The following CAMSAP1 variants were observed in gnomAD, a reference collection of about 807,000 sequenced individuals.
The protein encoded by CAMSAP1 is calmodulin regulated spectrin associated protein 1.
A neutral mutation model predicts 143.5 loss-of-function variants in CAMSAP1; 58 were observed. The observed-to-expected ratio is 0.40, with a 90% CI of 0.33 to 0.50. The LOEUF is 0.50. CAMSAP1 is among the 20% of genes least tolerant of loss of function. CAMSAP1 has a pLI of 0.45. For missense variants in CAMSAP1, 1,969 were observed against 2,115.7 expected, an observed-to-expected ratio of 0.93 and a Z score of 1.36; for synonymous variants, 945 against 859.3, an observed-to-expected ratio of 1.10 and a Z score of -1.74.
Position 135,822,165 on chromosome 9 carries a change from G to T in CAMSAP1, c.2496C>A (p.Ser832=). The change falls in exon 11 of 17, where the codon TCC becomes TCA. Residue 832 remains serine, a synonymous_variant. Coordinates refer to ENST00000389532, the MANE Select transcript of CAMSAP1 (RefSeq NM_015447.4). The surrounding 1 kb of genome is among the most constrained non-coding windows in gnomAD (Gnocchi z 6.1). ...LQRLNSCETK[S]STSSSQKTTP... ...TGGTCTTCTGGGAGCTGCTGGTGCT[G>T]GACTTGGTCTCACAGCTGTTGAGTC... is the stretch of plus-strand genomic sequence containing the variant. 1 of 1,613,732 alleles carries T rather than the reference G, an allele frequency of 6.2e-7. No individual in the cohort carries two copies. The highest frequency in any genetic ancestry group is 1.1e-5 in the South Asian group (1 of 91,086).
chr9:135,836,638 A>G, intron 7 of CAMSAP1: 1 of 983,628 alleles, frequency 1.0e-6, no homozygotes, highest in Non-Finnish European at 1.2e-6. Context: ...TTCTACAGAC[A>G]CACATCATCA....
chr9:135,881,780 T>C lies in CAMSAP1; in HGVS notation c.438A>G (p.Ala146=), dbSNP rs1228852011. ...AGGCCATCATCAGGGCATCCACCAT[T>C]GCCATGTGGGCACTCTAGGGGCAGA... is the stretch of plus-strand genomic sequence containing the variant. ...RAPIKMSAHM[A]MVDALMMAYT... Residue 146 remains alanine (A), a synonymous_variant, in exon 3 of 17, where the codon GCA becomes GCG. Coordinates refer to ENST00000389532, the MANE Select transcript of CAMSAP1 (RefSeq NM_015447.4). The C allele has an allele frequency of 6.4e-7, 1 of 1,552,042 alleles. No homozygotes were observed. The highest frequency in any genetic ancestry group is 2.4e-5 in the East Asian group (1 of 40,914).
chr9:135,838,209 C>T (rs1268305958), intron 7 of CAMSAP1, among the ~76,000 whole-genome samples: 1 of 151,344 alleles, frequency 6.6e-6, no homozygotes, highest in Non-Finnish European at 1.5e-5. Context: ...ACACTTTCCA[C>T]CCGTTCTACA....
At chr9:135,871,399 G>A (rs1564450736) in intron 3 of CAMSAP1, among the ~76,000 whole-genome samples, 1 of 152,084 alleles carries the variant, frequency 6.6e-6, no homozygotes, top group Non-Finnish European at 1.5e-5. Context: ...TGTTGTCGGG[G>A]ATGGTCTTGA....
At chr9:135,894,009 C>T (rs540949016) in intron 1 of CAMSAP1, among the ~76,000 whole-genome samples, 18 of 152,284 alleles carry the variant, frequency 1.2e-4, no homozygotes, top group South Asian at 6.2e-4. Flanking sequence ...CCCCACCCAA[C>T]GGGAGGTGAC....
At chr9:135,813,458 A>G (rs1013382599) in intron 16 of CAMSAP1, among the ~76,000 whole-genome samples, 1 of 152,224 alleles carries the variant, frequency 6.6e-6, no homozygotes, top group Non-Finnish European at 1.5e-5. Context: ...TTTCAACCCT[A>G]CTCACTGTGT....
At chr9:135,829,714 G>A (rs1013079350) in intron 7 of CAMSAP1, among the ~76,000 whole-genome samples, 6 of 151,896 alleles carry the variant, frequency 4.0e-5, no homozygotes, top group Admixed American at 1.3e-4. Context: ...TTAGCCAGGC[G>A]TGGTGGCGGA....
intron 3 of CAMSAP1, among the ~76,000 whole-genome samples, chr9:135,867,598 G>A (rs779120364): frequency 5.9e-5 from 9 of 151,718 alleles, no homozygotes; most frequent in Non-Finnish European, 8.8e-5. Context: ...AAAGCACCAC[G>A]TAAAAACACA....
Position 135,827,358 on chromosome 9 carries a change from AG to A in CAMSAP1, c.1223+48del, listed in dbSNP as rs767589781. 9 of 1,405,160 alleles carry A rather than the reference AG, an allele frequency of 6.4e-6. No individual in the cohort carries two copies. The Admixed American group carries it at 7.7e-5, about 12-fold the overall frequency. 87.0% of individuals were successfully genotyped at this position (1,405,160 alleles called of 1,614,324 possible). A position where few individuals can be genotyped will look rare whatever the true frequency, so the allele number is the denominator to read the frequency against. ...ATTAATATTTTAAACTAACACAAAA[AG>A]GGACACAAGATGGTGAACTGATTCT... is the stretch of plus-strand genomic sequence containing the variant. On this transcript the variant is annotated intron_variant, in intron 8 of 16. Coordinates refer to ENST00000389532, the MANE Select transcript of CAMSAP1 (RefSeq NM_015447.4).
intron 1 of CAMSAP1, among the ~76,000 whole-genome samples, chr9:135,890,144 C>G (rs560402854): frequency 6.6e-6 from 1 of 152,062 alleles, no homozygotes; most frequent in African/African-American, 2.4e-5. Context: ...AGCTCACACC[C>G]GCAGAGGCTC....
chr9:135,863,026 G>A lies in CAMSAP1; in HGVS notation c.667-418C>T, dbSNP rs147933777. 4.8e-3 allele frequency among the ~76,000 whole-genome samples: 729 copies of A among 152,280 alleles called. 4 individuals are homozygous for A. The highest frequency in any genetic ancestry group is 7.4e-3 in the Non-Finnish European group (502 of 68,016). ...TGACGCTCAGAAGACCCAAGTTACT[G>A]TTACTTTTCTGAGTAATATCACTAG... is the stretch of plus-strand genomic sequence containing the variant. On this transcript the variant is annotated intron_variant, in intron 4 of 16. Transcript: ENST00000389532.
At position 135,821,252 on chromosome 9, in the gene CAMSAP1, G is replaced by T. The variant is rs771843413; in HGVS notation, c.3409C>A (p.Pro1137Thr). ...VETLPHLRPF[P>T]ASSHPRTPTD... is the part of the protein sequence containing the mutation. ...GGCGTCCGAGGGTGGCTGCTGGCAG[G>T]GAAGGGTCTCAAGTGCGGGAGCGTC... Residue 1137 changes from proline to threonine, a missense_variant, in exon 11 of 17, where the codon CCT becomes ACT. Coordinates refer to ENST00000389532, the MANE Select transcript of CAMSAP1 (RefSeq NM_015447.4). This position sits in a 1 kb window ranked among gnomAD's most constrained non-coding sequence, Gnocchi z 4.6. The T allele has an allele frequency of 6.2e-7, 1 of 1,608,778 alleles. No individual in the cohort carries two copies. The highest frequency in any genetic ancestry group is 1.3e-5 in the African/African-American group (1 of 75,058).
At chr9:135,890,586 A>G (rs967048165) in intron 1 of CAMSAP1, among the ~76,000 whole-genome samples, 3 of 152,144 alleles carry the variant, frequency 2.0e-5, no homozygotes, top group African/African-American at 7.2e-5. Context: ...GGTAACCTGA[A>G]GGGCTGCACC....
At position 135,818,384 on chromosome 9, in the gene CAMSAP1, C is replaced by T; in HGVS notation, c.4168+24G>A. ...GCCGCCCGCGGAAGGAAGCGCTGCC[C>T]GCGTGAGGGCCGGGGCTGCTTACGG... On this transcript the variant is annotated intron_variant, in intron 13 of 16. Coordinates refer to ENST00000389532, the MANE Select transcript of CAMSAP1 (RefSeq NM_015447.4). This position sits in a 1 kb window ranked among gnomAD's most constrained non-coding sequence, Gnocchi z 7.7. The T allele has an allele frequency of 6.5e-6, 10 of 1,540,454 alleles. No homozygotes were observed. The highest frequency in any genetic ancestry group is 8.7e-6 in the Non-Finnish European group (10 of 1,146,460).
In CAMSAP1 at chr9:135,840,726, G is replaced by A. The variant is rs150494804; in HGVS notation, c.1045+9411C>T. Among the ~76,000 whole-genome samples the A allele has an allele frequency of 1.7e-3, 262 of 152,302 alleles. 3 individuals carry two copies. The highest frequency in any genetic ancestry group is 2.6e-3 in the Non-Finnish European group (175 of 68,020). On this transcript the variant is annotated intron_variant, in intron 7 of 16. Coordinates refer to ENST00000389532, the MANE Select transcript of CAMSAP1 (RefSeq NM_015447.4). ...GGTGCAGCCCACAGAGGGCAAGCAC[G>A]GTGGGGAATCACCTCACCCAGGAAG...
chr9:135,817,887 GC>G, intron 14 of CAMSAP1, 89 bp downstream of exon 14: 1 of 952,080 alleles, frequency 1.1e-6, no homozygotes, highest in South Asian at 1.5e-5. Flanking sequence ...AGTTACAAAA[GC>G]CTCTCTCACC....
rs1400744373 is a variant in CAMSAP1, at chr9:135,822,095, T to C, written c.2566A>G (p.Arg856Gly). 5 of 1,612,860 alleles carry C rather than the reference T, an allele frequency of 3.1e-6. No individual in the cohort carries two copies. The East Asian group carries it at 6.7e-5, about 22-fold the overall frequency. ...CTCGGACTCTGCTCCCTCTTCTGCC[T>C]CCACGTCGTCAGAGGGGCTGGGCAG... Reference protein sequence around the residue: ...ESCPAPLTTWRQKREQSPSQH... With the variant: ...ESCPAPLTTWGQKREQSPSQH... The change falls in exon 11 of 17, where the codon AGG becomes GGG. Residue 856 changes from arginine to glycine, a missense_variant. Coordinates refer to ENST00000389532, the MANE Select transcript of CAMSAP1 (RefSeq NM_015447.4). The surrounding 1 kb of genome is among the most constrained non-coding windows in gnomAD (Gnocchi z 6.1).
chr9:135,833,947 C>T (rs184832015), intron 7 of CAMSAP1, among the ~76,000 whole-genome samples: 43 of 152,260 alleles, frequency 2.8e-4, no homozygotes, highest in Admixed American at 9.2e-4. Context: ...ACATAAGTAA[C>T]GCAACTCAAT....
At chr9:135,868,509 T>C (rs1158754685) in intron 3 of CAMSAP1, among the ~76,000 whole-genome samples, 1 of 152,008 alleles carries the variant, frequency 6.6e-6, no homozygotes, top group Non-Finnish European at 1.5e-5. Context: ...AGTAATAAAA[T>C]TTGAATTTCA....
Sources: allele counts gnomAD v4.1 joint callset (sites outside exome capture counted in the v4.1 genomes callset), GRCh38; gene constraint gnomAD v4.1.1; non-coding constraint Gnocchi (gnomAD v3.1); transcripts MANE v1.5; gene names NCBI Gene and HGNC (gene_info 2026-07-23, HGNC 2026-07-21).